NIBAN1: variants seen among roughly 807,000 people sequenced by gnomAD.
NIBAN1 encodes protein Niban 1.
In NIBAN1, 81 loss-of-function variants were observed where a neutral mutation model predicts 75.1. That is an observed-to-expected ratio of 1.08 (90% CI 0.90 to 1.30). The LOEUF is 1.30. Ranked by LOEUF, NIBAN1 falls within the 50% of genes most tolerant of loss-of-function variation. The probability of loss-of-function intolerance (pLI) is 0.00; values close to 1 mark genes in which losing one functional copy is unlikely to be tolerated. For synonymous variants in NIBAN1, 436 were observed against 424.8 expected (o/e 1.03, Z -0.32); for missense variants, 1,133 against 1,128.1 (o/e 1.00, Z -0.06).
intron 6 of NIBAN1, among the ~76,000 whole-genome samples, chr1:184,830,998 CA>C (rs34893558): frequency 1.6e-4 from 24 of 146,372 alleles, no homozygotes; most frequent in Admixed American, 2.7e-4. Flanking sequence ...AGACTCCTCT[CA>C]AAAAAAAAAA....
chr1:184,966,344 A>G (rs1658784165), intron 1 of NIBAN1, among the ~76,000 whole-genome samples: 1 of 152,220 alleles, frequency 6.6e-6, no homozygotes. Flanking sequence ...TCAGTATCCT[A>G]TTGGAGAGGT....
chr1:184,833,986 C>G (rs886313578), intron 5 of NIBAN1, among the ~76,000 whole-genome samples: 3 of 151,562 alleles, frequency 2.0e-5, no homozygotes, highest in African/African-American at 7.3e-5. Context: ...TTAGGTATTT[C>G]TCCTAATGTT....
At chr1:184,967,219 CTGTG>C (rs761768686) in intron 1 of NIBAN1, among the ~76,000 whole-genome samples, 6 of 151,116 alleles carry the variant, frequency 4.0e-5, no homozygotes, top group East Asian at 1.9e-4. Flanking sequence ...CTCTCTCTCT[CTGTG>C]TGTGTGTGTG....
chr1:184,825,048 A>G (rs556677145), intron 6 of NIBAN1, among the ~76,000 whole-genome samples: 1 of 152,330 alleles, frequency 6.6e-6, no homozygotes, highest in South Asian at 2.1e-4. Flanking sequence ...CCTAAAATTA[A>G]TTAGCAGTCA....
At chr1:184,878,183 T>C (rs1656282070) in intron 5 of NIBAN1, among the ~76,000 whole-genome samples, 1 of 152,210 alleles carries the variant, frequency 6.6e-6, no homozygotes, top group African/African-American at 2.4e-5. Flanking sequence ...ATAACCCATA[T>C]ACTGCTGGGG....
intron 1 of NIBAN1, among the ~76,000 whole-genome samples, chr1:184,969,953 C>T (rs1211303643): frequency 2.6e-5 from 4 of 151,894 alleles, no homozygotes; most frequent in Admixed American, 6.6e-5. Flanking sequence ...CTCACTTGAG[C>T]TCAGGAGTTT....
intron 9 of NIBAN1, among the ~76,000 whole-genome samples, chr1:184,817,837 C>T (rs879602334): frequency 6.6e-6 from 1 of 152,202 alleles, no homozygotes; most frequent in Non-Finnish European, 1.5e-5. Flanking sequence ...TAGTAGTATG[C>T]ACCTATAACA....
At chr1:184,904,317 C>G (rs1657031871) in intron 1 of NIBAN1, among the ~76,000 whole-genome samples, 1 of 152,184 alleles carries the variant, frequency 6.6e-6, no homozygotes, top group African/African-American at 2.4e-5. Flanking sequence ...CATGAGCCAT[C>G]ACACCCACCC....
In NIBAN1 at chr1:184,794,096, C is replaced by A. The variant is rs1167455323; in HGVS notation, c.*881G>T. The A allele has an allele frequency of 6.6e-6, 1 of 152,126 alleles. No homozygotes were observed. Among genetic ancestry groups the A allele is most frequent in the African/African-American group, 2.4e-5 (1 of 41,418 alleles). The allele number at this position is 152,126 out of a possible 1,614,324, so 9.4% of individuals were successfully genotyped here. On this transcript the variant is annotated 3_prime_UTR_variant, in exon 14 of 14. Transcript: ENST00000367511. ...CTTTTAATTTATGCTAGAACAAGCA[C>A]TTATCTTTTCTTTTTTTTATTACTA...
chr1:184,917,613 A>G (rs1373303479), intron 1 of NIBAN1, among the ~76,000 whole-genome samples: 2 of 151,836 alleles, frequency 1.3e-5, no homozygotes, highest in Admixed American at 6.6e-5. Flanking sequence ...GCAAATGGAG[A>G]TATAATAAGT....
intron 1 of NIBAN1, among the ~76,000 whole-genome samples, chr1:184,962,651 G>A (rs1230365286): frequency 1.3e-5 from 2 of 152,108 alleles, no homozygotes; most frequent in Non-Finnish European, 2.9e-5. Context: ...CATACCAGAT[G>A]GCAAGGAAGC....
rs749700463 is a variant in NIBAN1, at chr1:184,794,984, T to C, written c.2780A>G (p.Glu927Gly). 1.2e-6 allele frequency: 2 copies of C among 1,609,816 alleles called. No homozygotes were observed. Among genetic ancestry groups the C allele is most frequent in the South Asian group, 2.2e-5 (2 of 91,088 alleles). ...GQESFPELPS[E>G]E ...TCAGCCAAATTGTCCCTTTCACTCC[T>C]CTGAGGGCAGCTCTGGGAAACTCTC... Residue 927 changes from glutamate (E) to glycine (G), a missense_variant, in exon 14 of 14, where the codon GAG becomes GGG. Physicochemically the swap from Glu to Gly is moderately conservative, Grantham distance 98. Coordinates refer to ENST00000367511, the MANE Select transcript of NIBAN1 (RefSeq NM_052966.4).
intron 6 of NIBAN1, among the ~76,000 whole-genome samples, chr1:184,825,547 G>T (rs1186386551): frequency 6.6e-6 from 1 of 152,196 alleles, no homozygotes; most frequent in African/African-American, 2.4e-5. Flanking sequence ...AATAAAAAAA[G>T]AATATGGGAG....
chr1:184,932,813 T>C (rs1657859739), intron 1 of NIBAN1, among the ~76,000 whole-genome samples: 2 of 152,226 alleles, frequency 1.3e-5, no homozygotes, highest in Non-Finnish European at 1.5e-5. Context: ...AAAAACTATC[T>C]CCTTCTCTAT....
chr1:184,818,617 C>A, intron 9 of NIBAN1, 21 bp downstream of exon 9: 3 of 1,552,762 alleles, frequency 1.9e-6, no homozygotes, highest in South Asian at 1.2e-5. Context: ...TCACACCCAG[C>A]TCCTCAGCTT....
In NIBAN1 at chr1:184,890,217, A is replaced by G; in HGVS notation, c.324T>C (p.Tyr108=). The change falls in exon 4 of 14, where the codon TAT becomes TAC. Residue 108 remains tyrosine, a synonymous_variant. Coordinates refer to ENST00000367511, the MANE Select transcript of NIBAN1 (RefSeq NM_052966.4). The stretch of plus-strand genomic sequence containing the variant: ...GACATTTAGGAGCAGCTCCTCTCTG[A>G]TAGGCCTGGGGAGGGAAAGGCACAC... ...AVESYENKEA[Y]QRGAAPKCRI... 1 of 1,612,814 alleles carries G rather than the reference A, an allele frequency of 6.2e-7. No homozygotes were observed. Among genetic ancestry groups the G allele is most frequent in the Non-Finnish European group, 8.5e-7 (1 of 1,178,848 alleles).
At chr1:184,960,606 C>A (rs4650675) in intron 1 of NIBAN1, among the ~76,000 whole-genome samples, 51,380 of 146,302 alleles carry the variant, frequency 0.35, 11,051 homozygotes, top group Non-Finnish European at 0.48. Context: ...ACAGACAACA[C>A]CAACAACAAC....
At position 184,823,722 on chromosome 1, in the gene NIBAN1, C is replaced by T. The variant is rs768867022; in HGVS notation, c.738G>A (p.Met246Ile). 1.2e-6 allele frequency: 2 copies of T among 1,614,116 alleles called. No individual in the cohort carries two copies. The highest frequency in any genetic ancestry group is 8.5e-7 in the Non-Finnish European group (1 of 1,179,982). Residue 246 changes from methionine (M) to isoleucine (I), a missense_variant, in exon 7 of 14, where the codon ATG becomes ATA. Transcript: ENST00000367511. ...DEIQILSNLV[M>I]EELLPTLQTD... ...TCTGAAGAGTGGGCAGGAGCTCCTC[C>T]ATCACCAGGTTACTCAGGATCTGCG... is the stretch of plus-strand genomic sequence containing the variant.
chr1:184,974,048 G>C (rs1659006767), intron 1 of NIBAN1, among the ~76,000 whole-genome samples: 1 of 152,088 alleles, frequency 6.6e-6, no homozygotes, highest in South Asian at 2.1e-4. Flanking sequence ...CGGCGGGAGC[G>C]GCGAAGGCGC....
Sources: gnomAD v4.1 joint callset for allele counts (sites outside exome capture counted in the v4.1 genomes callset) on GRCh38, gnomAD v4.1.1 for gene constraint, MANE v1.5 for transcripts, NCBI Gene and HGNC (gene_info 2026-07-23, HGNC 2026-07-21) for gene names.